IGF2BP3: variants seen among roughly 807,000 people sequenced by gnomAD.
IGF2BP3 encodes the protein insulin like growth factor 2 mRNA binding protein 3.
Under a neutral mutation model 73.8 loss-of-function variants are expected in IGF2BP3, and 9 were observed. The observed-to-expected ratio is 0.12, with a 90% CI of 0.07 to 0.21. The LOEUF is 0.21. IGF2BP3 is among the 10% of genes least tolerant of loss of function. The pLI, the probability that IGF2BP3 is intolerant of heterozygous loss-of-function variation, is 1.00. For missense variants in IGF2BP3, 542 were observed against 714.0 expected (o/e 0.76, Z 2.75); for synonymous variants, 258 against 256.7 (o/e 1.01, Z -0.05).
At chr7:23,440,657 C>G (rs1416475745) in intron 2 of IGF2BP3, among the ~76,000 whole-genome samples, 1 of 152,160 alleles carries the variant, frequency 6.6e-6, no homozygotes, top group Non-Finnish European at 1.5e-5. Context: ...TAAGCTATCC[C>G]GACATACTGT....
chr7:23,316,714 CT>C (rs1196978784), intron 12 of IGF2BP3, among the ~76,000 whole-genome samples: 4 of 149,930 alleles, frequency 2.7e-5, no homozygotes, highest in African/African-American at 7.4e-5. Flanking sequence ...AAAACTACAG[CT>C]TAAGGTTAAA....
intron 2 of IGF2BP3, among the ~76,000 whole-genome samples, chr7:23,435,606 C>A (rs1030225266): frequency 7.9e-5 from 12 of 152,086 alleles, no homozygotes; most frequent in African/African-American, 1.2e-4. Flanking sequence ...CAGGCGCCCA[C>A]CACCACGCCC....
At chr7:23,416,558 T>C (rs1452586990) in intron 3 of IGF2BP3, among the ~76,000 whole-genome samples, 1 of 152,230 alleles carries the variant, frequency 6.6e-6, no homozygotes, top group Non-Finnish European at 1.5e-5. Flanking sequence ...TAAGACTATT[T>C]CCTCTGTGGT....
chr7:23,405,777 G>A (rs1786810086), intron 3 of IGF2BP3, among the ~76,000 whole-genome samples: 1 of 152,134 alleles, frequency 6.6e-6, no homozygotes, highest in Admixed American at 6.6e-5. Flanking sequence ...TGAAAAAATT[G>A]TTTTAATGCA....
At chr7:23,437,251 G>A (rs1000917312) in intron 2 of IGF2BP3, among the ~76,000 whole-genome samples, 2 of 152,188 alleles carry the variant, frequency 1.3e-5, no homozygotes, top group African/African-American at 2.4e-5. Context: ...GGAGGCTGAG[G>A]TGGGTGGATC....
chr7:23,324,990 C>T (rs1343024795), intron 10 of IGF2BP3, among the ~76,000 whole-genome samples: 1 of 150,986 alleles, frequency 6.6e-6, no homozygotes, highest in Non-Finnish European at 1.5e-5. Context: ...AAACTGGAAG[C>T]ATTCCCTTTG....
chr7:23,456,563 T>A (rs1046003032), intron 2 of IGF2BP3, among the ~76,000 whole-genome samples: 1 of 152,204 alleles, frequency 6.6e-6, no homozygotes, highest in East Asian at 1.9e-4. Context: ...TTAATTTTTA[T>A]ATACAAGGGG....
chr7:23,418,775 C>A lies in IGF2BP3; in HGVS notation c.285+1G>T. ...TTAATTTTAAATACAGAAATTCTTA[C>A]CTCCCACTGTAAATGAGGCGGGATA... On this transcript the variant is annotated splice_donor_variant, in intron 3 of 14. Transcript: ENST00000258729. LOFTEE classifies it high-confidence loss of function. 1 of 1,565,816 alleles carries A rather than the reference C, an allele frequency of 6.4e-7. No homozygotes were observed. Among genetic ancestry groups the A allele is most frequent in the Non-Finnish European group, 8.7e-7 (1 of 1,144,850 alleles).
chr7:23,456,838 G>A (rs1331537656), intron 2 of IGF2BP3, among the ~76,000 whole-genome samples: 2 of 151,892 alleles, frequency 1.3e-5, no homozygotes, highest in African/African-American at 2.4e-5. Context: ...TCACGAGGTC[G>A]AGATCGAGAC....
At chr7:23,390,717 A>C (rs1186476842) in intron 3 of IGF2BP3, among the ~76,000 whole-genome samples, 1 of 152,146 alleles carries the variant, frequency 6.6e-6, no homozygotes, top group African/African-American at 2.4e-5. Context: ...CCAAGACCAC[A>C]ACTGTACAGC....
intron 3 of IGF2BP3, among the ~76,000 whole-genome samples, chr7:23,399,184 T>G (rs1786580035): frequency 6.6e-6 from 1 of 152,228 alleles, no homozygotes; most frequent in Non-Finnish European, 1.5e-5. Context: ...CCCCATTTCT[T>G]GTTTTTGTCA....
intron 3 of IGF2BP3, chr7:23,413,173 A>T (rs1787083245): frequency 6.7e-6 from 1 of 149,956 alleles, no homozygotes; most frequent in Non-Finnish European, 1.5e-5. Context: ...CTTACTGTGT[A>T]TTTTTTACAT....
chr7:23,412,676 A>G (rs1787061357), intron 3 of IGF2BP3, among the ~76,000 whole-genome samples: 1 of 151,946 alleles, frequency 6.6e-6, no homozygotes, highest in Non-Finnish European at 1.5e-5. Flanking sequence ...TCATTTACCT[A>G]ATGTCTTCCT....
chr7:23,317,391 A>AT (rs1201849517), intron 12 of IGF2BP3, among the ~76,000 whole-genome samples: 5 of 152,222 alleles, frequency 3.3e-5, no homozygotes, highest in African/African-American at 1.2e-4. Flanking sequence ...TTAGCATAGG[A>AT]TTACAAACCA....
chr7:23,347,570 C>G, intron 7 of IGF2BP3, 30 bp downstream of exon 7: 2 of 1,600,724 alleles, frequency 1.2e-6, no homozygotes, highest in Non-Finnish European at 1.7e-6. Context: ...AAATATCAAC[C>G]TCTTTCACAG....
chr7:23,313,937 C>T (rs992567431), intron 12 of IGF2BP3, among the ~76,000 whole-genome samples: 10 of 152,180 alleles, frequency 6.6e-5, no homozygotes, highest in South Asian at 6.2e-4. Flanking sequence ...CTAATAAAAA[C>T]GAATTTTTGT....
intron 3 of IGF2BP3, among the ~76,000 whole-genome samples, chr7:23,401,912 T>A (rs1198201808): frequency 2.0e-5 from 3 of 152,078 alleles, no homozygotes; most frequent in Non-Finnish European, 4.4e-5. Context: ...AGGTCAGGAA[T>A]TCAAGACCAG....
intron 5 of IGF2BP3, among the ~76,000 whole-genome samples, chr7:23,353,197 C>T (rs1785010943): frequency 6.6e-6 from 1 of 152,178 alleles, no homozygotes; most frequent in Admixed American, 6.5e-5. Context: ...ATAAAATGGT[C>T]TCTTTCTAGT....
chr7:23,351,198 T>C, intron 6 of IGF2BP3, 107 bp downstream of exon 6: 1 of 1,186,484 alleles, frequency 8.4e-7, no homozygotes. Context: ...GTACAAGGAG[T>C]CCTCATGGCT....
Sources: gnomAD v4.1 joint callset for allele counts (sites outside exome capture counted in the v4.1 genomes callset) on GRCh38, gnomAD v4.1.1 for gene constraint, MANE v1.5 for transcripts, NCBI Gene and HGNC (gene_info 2026-07-23, HGNC 2026-07-21) for gene names.